MYRIP: variants seen among roughly 807,000 people sequenced by gnomAD.
MYRIP encodes myosin VIIA and Rab interacting protein.
A neutral mutation model predicts 98.0 loss-of-function variants in MYRIP; 49 were observed. That is an observed-to-expected ratio of 0.50 (90% CI 0.40 to 0.63). The LOEUF (loss-of-function observed/expected upper bound fraction) is 0.63, where lower values mean the gene tolerates loss of function less well. MYRIP is among the 30% of genes least tolerant of loss of function. The pLI, the probability that MYRIP is intolerant of heterozygous loss-of-function variation, is 0.00. For synonymous variants in MYRIP, 404 were observed against 409.5 expected (o/e 0.99, Z 0.16); for missense variants, 1,004 against 1,058.2 (o/e 0.95, Z 0.71).
chr3:40,044,702 G>C (rs957007781), intron 3 of MYRIP, among the ~76,000 whole-genome samples: 1 of 152,180 alleles, frequency 6.6e-6, no homozygotes, highest in Non-Finnish European at 1.5e-5. Flanking sequence ...TAAGTGCTGG[G>C]CCTTCATATG....
chr3:40,158,164 T>G (rs1559425970), intron 4 of MYRIP, among the ~76,000 whole-genome samples: 1 of 152,222 alleles, frequency 6.6e-6, no homozygotes. Context: ...CACACTGCTT[T>G]GAATGCGTCC....
At chr3:40,043,514 A>G (rs1290993684) in intron 2 of MYRIP, among the ~76,000 whole-genome samples, 20 of 152,058 alleles carry the variant, frequency 1.3e-4, no homozygotes, top group Admixed American at 1.3e-3. Context: ...TCCAACTATG[A>G]ATCACCAGTG....
chr3:39,908,133 G>C (rs1943925050), intron 2 of MYRIP, among the ~76,000 whole-genome samples: 1 of 152,174 alleles, frequency 6.6e-6, no homozygotes, highest in African/African-American at 2.4e-5. Context: ...CTGTGGAGTA[G>C]CAGGGGTTAG....
At chr3:39,983,015 T>A (rs1280526407) in intron 2 of MYRIP, among the ~76,000 whole-genome samples, 1 of 152,242 alleles carries the variant, frequency 6.6e-6, no homozygotes, top group African/African-American at 2.4e-5. Context: ...AACCAAAGAT[T>A]ATAATTATTT....
chr3:39,851,143 T>G (rs538032932), intron 1 of MYRIP, among the ~76,000 whole-genome samples: 29 of 152,282 alleles, frequency 1.9e-4, no homozygotes, highest in Non-Finnish European at 4.1e-4. Context: ...TCATTGCAGA[T>G]AAAGCCAGAA....
chr3:39,844,332 C>T (rs933768430), intron 1 of MYRIP, among the ~76,000 whole-genome samples: 2 of 152,184 alleles, frequency 1.3e-5, no homozygotes, highest in African/African-American at 2.4e-5. Flanking sequence ...GCGGAGCTAC[C>T]CTGAGTGGGA....
chr3:39,812,158 T>G (rs550923894), intron 1 of MYRIP, among the ~76,000 whole-genome samples: 1 of 152,274 alleles, frequency 6.6e-6, no homozygotes, highest in Non-Finnish European at 1.5e-5. Flanking sequence ...GTGCCCTGAT[T>G]AAGACCCAGA....
intron 1 of MYRIP, among the ~76,000 whole-genome samples, chr3:39,879,841 TG>T: frequency 6.6e-6 from 1 of 152,244 alleles, no homozygotes; most frequent in Non-Finnish European, 1.5e-5. Flanking sequence ...GAAGGAAATT[TG>T]TAGGTAGATT....
At chr3:39,967,803 G>A (rs1328452862) in intron 2 of MYRIP, among the ~76,000 whole-genome samples, 1 of 152,042 alleles carries the variant, frequency 6.6e-6, no homozygotes, top group Non-Finnish European at 1.5e-5. Context: ...GTATCTCACT[G>A]CGGTTTTTAT....
At chr3:39,884,786 T>C (rs1943244824) in intron 1 of MYRIP, among the ~76,000 whole-genome samples, 1 of 150,312 alleles carries the variant, frequency 6.7e-6, no homozygotes, top group Non-Finnish European at 1.5e-5. Context: ...ATTTTTCCAT[T>C]GTATGGCTAT....
At chr3:40,163,830 T>C (rs1424420266) in intron 5 of MYRIP, among the ~76,000 whole-genome samples, 1 of 152,188 alleles carries the variant, frequency 6.6e-6, no homozygotes, top group Non-Finnish European at 1.5e-5. Flanking sequence ...TATATCTATA[T>C]ATATCCTATT....
intron 8 of MYRIP, among the ~76,000 whole-genome samples, chr3:40,174,987 C>A (rs1243831005): frequency 1.3e-5 from 2 of 151,932 alleles, no homozygotes; most frequent in East Asian, 3.9e-4. Flanking sequence ...ATTAAAAACA[C>A]AAAAAATTAG....
intron 2 of MYRIP, among the ~76,000 whole-genome samples, chr3:40,032,512 G>A (rs1201190926): frequency 2.6e-5 from 4 of 152,078 alleles, no homozygotes; most frequent in African/African-American, 9.7e-5. Context: ...GTTGATTTGG[G>A]GTGGAGAGTT....
Position 39,885,619 on chromosome 3 carries a change from C to G in MYRIP, c.-30-15168C>G, listed in dbSNP as rs187476123. Among the ~76,000 whole-genome samples the G allele has an allele frequency of 4.9e-3, 739 of 152,160 alleles. 5 individuals carry two copies. Among genetic ancestry groups the G allele is most frequent in the African/African-American group, 0.017 (708 of 41,476 alleles). On this transcript the variant is annotated intron_variant, in intron 1 of 16. Coordinates refer to ENST00000302541, the MANE Select transcript of MYRIP (RefSeq NM_015460.4). ...TCCAACTTGGTTCCATTCTCCCCGT[C>G]GCTTTCAGGTACACCAATCAGACAT...
Position 40,044,083 on chromosome 3 carries a change from C to T in MYRIP, c.144C>T (p.Ser48=), listed in dbSNP as rs1347349524. 6.2e-7 allele frequency: 1 copy of T among 1,614,030 alleles called. No individual in the cohort carries two copies. Among genetic ancestry groups the T allele is most frequent in the Non-Finnish European group, 8.5e-7 (1 of 1,179,952 alleles). The change falls in exon 3 of 17, where the codon AGC becomes AGT. Residue 48 remains serine, a synonymous_variant. Transcript: ENST00000302541. The part of the protein sequence containing the change: ...ELKQKLDEEG[S]KCSILSKHQQ... ...AGCAGAAGCTGGATGAGGAAGGCAG[C>T]AAGTGCAGCATCCTCTCGAAGCACC...
At position 40,122,080 on chromosome 3, in the gene MYRIP, C is replaced by A. The variant is rs115359209; in HGVS notation, c.333-28968C>A. ...TTACTTTCCTGGCCTAAAATGGAAC[C>A]AAATTCATCAATAATATTTTCAAAA... On this transcript the variant is annotated intron_variant, in intron 3 of 16. Coordinates refer to ENST00000302541, the MANE Select transcript of MYRIP (RefSeq NM_015460.4). Among the ~76,000 whole-genome samples the A allele has an allele frequency of 7.2e-3, 1,095 of 152,050 alleles. 17 individuals are homozygous for A. The highest frequency in any genetic ancestry group is 0.025 in the African/African-American group (1,037 of 41,498).
chr3:39,888,899 A>G (rs1943396236), intron 1 of MYRIP, among the ~76,000 whole-genome samples: 1 of 152,208 alleles, frequency 6.6e-6, no homozygotes, highest in Non-Finnish European at 1.5e-5. Flanking sequence ...AAAAGAAGAC[A>G]TTTATGCAGC....
intron 16 of MYRIP, among the ~76,000 whole-genome samples, chr3:40,257,868 T>C (rs1253749730): frequency 6.6e-6 from 1 of 152,220 alleles, no homozygotes; most frequent in East Asian, 1.9e-4. Flanking sequence ...ACAAGAACAC[T>C]GTGCTTGGAA....
intron 3 of MYRIP, among the ~76,000 whole-genome samples, chr3:40,080,729 A>C (rs2125869442): frequency 6.6e-6 from 1 of 150,496 alleles, no homozygotes; most frequent in Middle Eastern, 3.4e-3. Context: ...TTCTCTTTTC[A>C]AAAAACCAAT....
Sources: gnomAD v4.1 joint callset for allele counts (sites outside exome capture counted in the v4.1 genomes callset) on GRCh38, gnomAD v4.1.1 for gene constraint, MANE v1.5 for transcripts, NCBI Gene and HGNC (gene_info 2026-07-23, HGNC 2026-07-21) for gene names.